The following SLC24A2 variants were observed in gnomAD, a reference collection of about 807,000 sequenced individuals.
SLC24A2 encodes the protein solute carrier family 24 member 2, also known as sodium/potassium/calcium exchanger 2.
SLC24A2 carries 36 observed loss-of-function variants against 62.0 expected under a neutral mutation model. That is an observed-to-expected ratio of 0.58 (90% CI 0.44 to 0.77). The LOEUF is 0.77. Among genes scored for constraint, SLC24A2 ranks in the 30% least tolerant of loss-of-function variants. The probability of loss-of-function intolerance (pLI) is 0.00; values close to 1 mark genes in which losing one functional copy is unlikely to be tolerated. For missense variants in SLC24A2, 846 were observed against 817.9 expected, an observed-to-expected ratio of 1.03 and a Z score of -0.42; for synonymous variants, 358 against 294.0, an observed-to-expected ratio of 1.22 and a Z score of -2.23.
At chr9:19,636,330 T>TCTTTCTTTCTTTCTTTCTTTTC (rs1818338632) in intron 2 of SLC24A2, among the ~76,000 whole-genome samples, 1 of 30,236 alleles carries the variant, frequency 3.3e-5, no homozygotes, top group African/African-American at 1.4e-4. Flanking sequence ...TTTCTTTCTT[T>TCTTTCTTTCTTTCTTTCTTTTC]CTTTCTTTCT....
the SLC24A2 span, among the ~76,000 whole-genome samples, chr9:19,827,403 G>T: frequency 6.6e-6 from 1 of 152,038 alleles, no homozygotes; most frequent in African/African-American, 2.4e-5. Context: ...GCAAATTAGG[G>T]CTGCTCTGAA....
chr9:20,072,076 G>A, the SLC24A2 span, among the ~76,000 whole-genome samples: 1 of 152,058 alleles, frequency 6.6e-6, no homozygotes, highest in Non-Finnish European at 1.5e-5. Context: ...TTACCTTTCT[G>A]CCAGCCTCCA....
intron 2 of SLC24A2, among the ~76,000 whole-genome samples, chr9:19,640,322 T>C (rs1043889937): frequency 3.9e-5 from 6 of 152,256 alleles, no homozygotes; most frequent in African/African-American, 1.4e-4. Context: ...GTTGAATCTT[T>C]ATCTTTTCAG....
chr9:19,767,576 C>G (rs1822556628), intron 2 of SLC24A2, among the ~76,000 whole-genome samples: 1 of 152,118 alleles, frequency 6.6e-6, no homozygotes, highest in Non-Finnish European at 1.5e-5. Context: ...ACCCCTTGTG[C>G]TTCCCAGGTA....
the SLC24A2 span, among the ~76,000 whole-genome samples, chr9:19,801,038 G>T: frequency 5.5e-3 from 836 of 152,324 alleles, 6 homozygotes; most frequent in Non-Finnish European, 9.8e-3. Context: ...CAAAAGTATT[G>T]TTACCAGGGG....
the SLC24A2 span, among the ~76,000 whole-genome samples, chr9:20,001,087 C>T: frequency 6.6e-6 from 1 of 152,166 alleles, no homozygotes; most frequent in Non-Finnish European, 1.5e-5. Context: ...CAAATGCAAA[C>T]GTGGCAGTTG....
rs1377513294 is a variant in SLC24A2, at chr9:19,509,613, G to C, written c.*6540C>G. On this transcript the variant is annotated 3_prime_UTR_variant, in exon 11 of 11. Transcript: ENST00000341998. ...TTCAGTTTTATTCTGATAAGAATTG[G>C]GGATTTGTTTAATTAAATGGCAAGA... 1.3e-5 allele frequency: 2 copies of C among 152,074 alleles called. No homozygotes were observed. Among genetic ancestry groups the C allele is most frequent in the Non-Finnish European group, 1.5e-5 (1 of 68,008 alleles). 9.4% of individuals were successfully genotyped at this position (152,074 alleles called of 1,614,324 possible).
chr9:19,913,137 G>C, the SLC24A2 span, among the ~76,000 whole-genome samples: 2 of 152,006 alleles, frequency 1.3e-5, no homozygotes, highest in South Asian at 4.1e-4. Flanking sequence ...TTCCCAGGTC[G>C]TCTCATCTAA....
chr9:20,089,731 G>A, the SLC24A2 span, among the ~76,000 whole-genome samples: 1 of 126,856 alleles, frequency 7.9e-6, no homozygotes, highest in African/African-American at 3.1e-5. Context: ...TTCTATCCCT[G>A]CTACCTTTGG....
chr9:20,039,486 T>C, the SLC24A2 span, among the ~76,000 whole-genome samples: 1 of 152,010 alleles, frequency 6.6e-6, no homozygotes, highest in Non-Finnish European at 1.5e-5. Flanking sequence ...GTGATAACAA[T>C]GTTATTCCCA....
At chr9:19,957,433 C>G in the SLC24A2 span, 1 of 152,204 alleles carries the variant, frequency 6.6e-6, no homozygotes, top group Non-Finnish European at 1.5e-5. Flanking sequence ...CGTTTCTGTC[C>G]TTCTATCTCT....
the SLC24A2 span, among the ~76,000 whole-genome samples, chr9:20,258,859 T>C: frequency 7.6e-5 from 7 of 91,846 alleles, no homozygotes; most frequent in African/African-American, 2.9e-4. Context: ...CTATCTAATG[T>C]CTATCTATCC....
intron 2 of SLC24A2, among the ~76,000 whole-genome samples, chr9:19,697,941 T>C (rs1042934122): frequency 2.6e-5 from 4 of 152,108 alleles, no homozygotes; most frequent in Admixed American, 6.5e-5. Flanking sequence ...TTCTAATATA[T>C]GTAAATATAT....
At chr9:20,031,954 A>G in the SLC24A2 span, among the ~76,000 whole-genome samples, 1 of 151,426 alleles carries the variant, frequency 6.6e-6, no homozygotes, top group Non-Finnish European at 1.5e-5. Context: ...AAATATCAAT[A>G]TGATATCAGA....
chr9:20,103,789 C>T, the SLC24A2 span, among the ~76,000 whole-genome samples: 7 of 151,890 alleles, frequency 4.6e-5, no homozygotes, highest in Middle Eastern at 3.4e-3. Context: ...AAAAGCAGAG[C>T]GCCCCTCCTC....
the SLC24A2 span, among the ~76,000 whole-genome samples, chr9:20,156,475 T>G: frequency 1.3e-5 from 2 of 151,738 alleles, no homozygotes; most frequent in African/African-American, 4.8e-5. Context: ...TCTAGTCTAT[T>G]GGTCAGCCCC....
chr9:19,650,527 C>T (rs2118154023), intron 2 of SLC24A2, among the ~76,000 whole-genome samples: 1 of 152,294 alleles, frequency 6.6e-6, no homozygotes, highest in South Asian at 2.1e-4. Context: ...CATCAGCCTC[C>T]CATCCCAGAG....
At chr9:19,958,189 G>A in the SLC24A2 span, 1 of 152,118 alleles carries the variant, frequency 6.6e-6, no homozygotes, top group South Asian at 2.1e-4. Context: ...TCGTGGGGAG[G>A]GATATCTTGC....
the SLC24A2 span, among the ~76,000 whole-genome samples, chr9:20,031,297 A>G: frequency 6.7e-6 from 1 of 148,580 alleles, no homozygotes; most frequent in Non-Finnish European, 1.5e-5. Flanking sequence ...ACACATATAT[A>G]AAATATATTT....
Sources: gnomAD v4.1 joint callset for allele counts (sites outside exome capture counted in the v4.1 genomes callset) on GRCh38, gnomAD v4.1.1 for gene constraint, MANE v1.5 for transcripts, NCBI Gene and HGNC (gene_info 2026-07-23, HGNC 2026-07-21) for gene names.